The following XPO4 variants were observed in gnomAD, a reference collection of about 807,000 sequenced individuals.
XPO4 encodes exportin-4.
Under a neutral mutation model 143.0 loss-of-function variants are expected in XPO4, and 39 were observed. That is an observed-to-expected ratio of 0.27 (90% CI 0.21 to 0.36). XPO4 has a LOEUF of 0.36. Among genes scored for constraint, XPO4 ranks in the 10% least tolerant of loss-of-function variants. The pLI is 1.00. For missense variants in XPO4, 907 were observed against 1,348.0 expected (o/e 0.67, Z 5.12); for synonymous variants, 439 against 474.0 (o/e 0.93, Z 0.96).
chr13:20,849,183 T>C, intron 4 of XPO4: 5 of 985,408 alleles, frequency 5.1e-6, no homozygotes, highest in Non-Finnish European at 6.0e-6. Context: ...AGGAGCTTTA[T>C]TACCAAGAAT....
intron 1 of XPO4, among the ~76,000 whole-genome samples, chr13:20,899,712 CTA>C (rs1375186798): frequency 3.9e-5 from 6 of 152,138 alleles, no homozygotes; most frequent in African/African-American, 1.4e-4. Context: ...CATAAAACAA[CTA>C]TATGAGTTAC....
At chr13:20,893,544 T>A (rs1210398356) in intron 1 of XPO4, among the ~76,000 whole-genome samples, 1 of 151,874 alleles carries the variant, frequency 6.6e-6, no homozygotes, top group Non-Finnish European at 1.5e-5. Flanking sequence ...TCGAGACCAG[T>A]CTAGCCAACA....
At chr13:20,902,216 G>A (rs2062345584) in intron 1 of XPO4, 9 of 985,196 alleles carry the variant, frequency 9.1e-6, no homozygotes, top group Non-Finnish European at 1.1e-5. Context: ...GGATGCGAAT[G>A]CACAGGAAAC....
intron 1 of XPO4, among the ~76,000 whole-genome samples, chr13:20,893,457 T>A (rs1185244412): frequency 1.3e-5 from 2 of 152,180 alleles, no homozygotes; most frequent in Middle Eastern, 3.4e-3. Context: ...ACGGTCTCCA[T>A]GGCCAAGCAC....
intron 1 of XPO4, among the ~76,000 whole-genome samples, chr13:20,874,060 C>T (rs973683725): frequency 8.5e-5 from 13 of 152,182 alleles, no homozygotes; most frequent in African/African-American, 3.1e-4. Context: ...CAGAATTTGA[C>T]CTTAGGTCTG....
chr13:20,851,788 T>C (rs1399754808), intron 4 of XPO4: 1 of 984,984 alleles, frequency 1.0e-6, no homozygotes, highest in Admixed American at 6.2e-5. Context: ...TTGGAGTCTT[T>C]CATGAGAATA....
chr13:20,851,726 AAAAAGAAAG>A (rs1190331585), intron 4 of XPO4: 30 of 854,474 alleles, frequency 3.5e-5, no homozygotes, highest in Middle Eastern at 6.0e-4. Context: ...AAAAAAAAAA[AAAAAGAAAG>A]AAAGAAAGAA....
chr13:20,813,767 G>A (rs1209535028), intron 9 of XPO4, among the ~76,000 whole-genome samples: 1 of 152,096 alleles, frequency 6.6e-6, no homozygotes, highest in Non-Finnish European at 1.5e-5. Flanking sequence ...AGACTAGCCT[G>A]GCCAACATGG....
intron 1 of XPO4, among the ~76,000 whole-genome samples, chr13:20,899,370 G>A (rs2060598613): frequency 6.6e-6 from 1 of 151,578 alleles, no homozygotes; most frequent in Non-Finnish European, 1.5e-5. Context: ...AAAGAGTAAA[G>A]GTTTTGAAAG....
rs1415769167 is a variant in XPO4 at position 20,779,670 on chromosome 13, C to T, written c.*4052G>A. 6.6e-6 allele frequency: 1 copy of T among 152,582 alleles called. No homozygotes were observed. The highest frequency in any genetic ancestry group is 1.9e-4 in the East Asian group (1 of 5,186). 9.5% of individuals were successfully genotyped at this position (152,582 alleles called of 1,614,324 possible). On this transcript the variant is annotated 3_prime_UTR_variant, in exon 23 of 23. Transcript: ENST00000255305. ...ATTCTCGTCTTTACTAAGACTTACCCATAGAGAACTACAGCAGGAAACCGA... is the reference window on the plus strand; with the variant it reads ...ATTCTCGTCTTTACTAAGACTTACCTATAGAGAACTACAGCAGGAAACCGA...
At position 20,818,412 on chromosome 13, in the gene XPO4, AT is replaced by A. The variant is rs199532606; in HGVS notation, c.1173+3291del. Among the ~76,000 whole-genome samples the A allele has an allele frequency of 5.8e-3, 878 of 152,332 alleles. 10 individuals are homozygous for A. Among genetic ancestry groups the A allele is most frequent in the African/African-American group, 0.02 (839 of 41,564 alleles). ...ACTGGTATCAAGAATGCTTCTTCCT[AT>A]GAAGATGCTCTTCTTCCCTTGCTAC... On this transcript the variant is annotated intron_variant, in intron 9 of 22. Coordinates refer to ENST00000255305, the MANE Select transcript of XPO4 (RefSeq NM_022459.5).
chr13:20,820,611 T>C (rs575640340), intron 9 of XPO4, among the ~76,000 whole-genome samples: 1 of 152,354 alleles, frequency 6.6e-6, no homozygotes, highest in East Asian at 1.9e-4. Flanking sequence ...TTTTTATGTT[T>C]AGAATGTAAA....
intron 1 of XPO4, among the ~76,000 whole-genome samples, chr13:20,887,320 G>C (rs965821597): frequency 2.6e-5 from 4 of 152,090 alleles, no homozygotes; most frequent in African/African-American, 9.7e-5. Flanking sequence ...CTTCACATAA[G>C]GGAGGTGATG....
At chr13:20,810,191 G>A (rs1218834301) in intron 9 of XPO4, among the ~76,000 whole-genome samples, 1 of 152,008 alleles carries the variant, frequency 6.6e-6, no homozygotes, top group Non-Finnish European at 1.5e-5. Flanking sequence ...GTGTTTTGTG[G>A]AACATGCATT....
At chr13:20,864,989 G>C (rs1463387809) in intron 2 of XPO4, among the ~76,000 whole-genome samples, 10 of 151,970 alleles carry the variant, frequency 6.6e-5, no homozygotes, top group Non-Finnish European at 1.3e-4. Context: ...ATACATAGTA[G>C]AAATATGCAA....
At chr13:20,819,014 G>A (rs2059685856) in intron 9 of XPO4, among the ~76,000 whole-genome samples, 1 of 152,022 alleles carries the variant, frequency 6.6e-6, no homozygotes, top group Admixed American at 6.6e-5. Context: ...GTAGAGAAGG[G>A]GTTTTGCCAT....
intron 1 of XPO4, among the ~76,000 whole-genome samples, chr13:20,886,382 C>T (rs941118185): frequency 2.0e-5 from 3 of 151,998 alleles, no homozygotes; most frequent in Admixed American, 6.6e-5. Flanking sequence ...GAGGCTGAGG[C>T]GGGTGGATCA....
At chr13:20,873,771 C>G (rs1236826841) in intron 1 of XPO4, among the ~76,000 whole-genome samples, 1 of 152,166 alleles carries the variant, frequency 6.6e-6, no homozygotes, top group East Asian at 1.9e-4. Context: ...GCTGGGACTA[C>G]AGGCACGCAC....
intron 1 of XPO4, among the ~76,000 whole-genome samples, chr13:20,889,448 T>C (rs1239522885): frequency 6.6e-6 from 1 of 152,144 alleles, no homozygotes; most frequent in Non-Finnish European, 1.5e-5. Context: ...TGGCAGTGTA[T>C]GGAAACATTT....
Sources: gnomAD v4.1 joint callset for allele counts (sites outside exome capture counted in the v4.1 genomes callset) on GRCh38, gnomAD v4.1.1 for gene constraint, MANE v1.5 for transcripts, NCBI Gene and HGNC (gene_info 2026-07-23, HGNC 2026-07-21) for gene names.